SHISA9: variants seen among roughly 807,000 people sequenced by gnomAD.
The protein encoded by SHISA9 is shisa family member 9.
In SHISA9, 13 loss-of-function variants were observed where a neutral mutation model predicts 38.0. The observed-to-expected ratio is 0.34, with a 90% CI of 0.22 to 0.54. The LOEUF (loss-of-function observed/expected upper bound fraction) is 0.54. SHISA9 is among the 20% of genes least tolerant of loss of function. The probability of loss-of-function intolerance (pLI) is 0.91; values close to 1 mark genes in which losing one functional copy is unlikely to be tolerated. For synonymous variants in SHISA9, 275 were observed against 242.0 expected (o/e 1.14, Z -1.27); for missense variants, 538 against 575.8 (o/e 0.93, Z 0.67).
chr16:12,916,947 G>A, intron 2 of SHISA9, 132 bp downstream of exon 2: 2 of 1,072,870 alleles, frequency 1.9e-6, no homozygotes, highest in Non-Finnish European at 2.6e-6. Flanking sequence ...TTTCTTTCAT[G>A]TCTTTTGGAT....
At chr16:13,152,039 G>A (rs2050504227) in intron 2 of SHISA9, among the ~76,000 whole-genome samples, 1 of 152,178 alleles carries the variant, frequency 6.6e-6, no homozygotes, top group Non-Finnish European at 1.5e-5. Flanking sequence ...ATTAAATTGT[G>A]TGAGAAGAAG....
At chr16:12,949,147 C>T (rs1228497472) in intron 2 of SHISA9, among the ~76,000 whole-genome samples, 1 of 152,140 alleles carries the variant, frequency 6.6e-6, no homozygotes, top group Non-Finnish European at 1.5e-5. Context: ...TCCCTAGGAG[C>T]AGAGCCTGAG....
intron 4 of SHISA9, among the ~76,000 whole-genome samples, chr16:13,223,666 C>G (rs1446251015): frequency 1.3e-5 from 2 of 152,138 alleles, no homozygotes; most frequent in African/African-American, 2.4e-5. Flanking sequence ...GTACCTGAGA[C>G]TGGGTAATTT....
chr16:13,471,551 C>T, the SHISA9 span, among the ~76,000 whole-genome samples: 1 of 152,134 alleles, frequency 6.6e-6, no homozygotes, highest in Non-Finnish European at 1.5e-5. Flanking sequence ...ACAACTCTCC[C>T]TCTTTGCTTC....
rs568241722 is a variant in SHISA9 at position 12,954,221 on chromosome 16, G to A, written c.691+37406G>A. On this transcript the variant is annotated intron_variant, in intron 2 of 4. Coordinates refer to ENST00000558583, the MANE Select transcript of SHISA9 (RefSeq NM_001145204.3). ...CAGCAGGAATAGCCTGTGCAAAGGCGTAGAGATGTGGTGTGCCCAGGGAAG... is the reference window on the plus strand; with the variant it reads ...CAGCAGGAATAGCCTGTGCAAAGGCATAGAGATGTGGTGTGCCCAGGGAAG... Among the ~76,000 whole-genome samples the A allele has an allele frequency of 1.9e-4, 29 of 152,332 alleles. 1 individual carries two copies. Among genetic ancestry groups the A allele is most frequent in the East Asian group, 7.7e-4 (4 of 5,194 alleles).
At chr16:13,303,129 G>A in the SHISA9 span, among the ~76,000 whole-genome samples, 2 of 152,160 alleles carry the variant, frequency 1.3e-5, no homozygotes, top group Non-Finnish European at 2.9e-5. Context: ...TAGATTTAAA[G>A]CATTTGTGTT....
chr16:13,177,546 T>TA (rs532180368), intron 2 of SHISA9, among the ~76,000 whole-genome samples: 2,677 of 152,244 alleles, frequency 0.018, 38 homozygotes, highest in Non-Finnish European at 0.027. Flanking sequence ...TTATTTTTTT[T>TA]AAAAAGCGCA....
chr16:13,194,020 G>A lies in SHISA9; in HGVS notation c.692-9374G>A, dbSNP rs182294778. Among the ~76,000 whole-genome samples the A allele has an allele frequency of 2.9e-3, 438 of 152,172 alleles. 1 individual carries two copies. The highest frequency in any genetic ancestry group is 7.1e-3 in the South Asian group (34 of 4,804). On this transcript the variant is annotated intron_variant, in intron 2 of 4. Coordinates refer to ENST00000558583, the MANE Select transcript of SHISA9 (RefSeq NM_001145204.3). ...TCATCCAACATTCCTCCCCTACCCTGCATCTGAAACCCAAAGAGGGAAAGT... is the reference window on the plus strand; with the variant it reads ...TCATCCAACATTCCTCCCCTACCCTACATCTGAAACCCAAAGAGGGAAAGT...
At chr16:13,511,867 GA>G in the SHISA9 span, among the ~76,000 whole-genome samples, 2 of 152,132 alleles carry the variant, frequency 1.3e-5, no homozygotes, top group Non-Finnish European at 2.9e-5. Flanking sequence ...ACATTTATGT[GA>G]AAAAACTATC....
chr16:13,159,618 CT>C (rs1311262753), intron 2 of SHISA9, among the ~76,000 whole-genome samples: 1 of 152,230 alleles, frequency 6.6e-6, no homozygotes, highest in East Asian at 1.9e-4. Context: ...TGAGCATACG[CT>C]TTTCTCTTGA....
intron 2 of SHISA9, among the ~76,000 whole-genome samples, chr16:13,062,825 T>C (rs2073391128): frequency 6.6e-6 from 1 of 152,106 alleles, no homozygotes; most frequent in African/African-American, 2.4e-5. Flanking sequence ...ATTCCGATGA[T>C]GGAGTTTCTT....
At chr16:13,403,733 G>T in the SHISA9 span, among the ~76,000 whole-genome samples, 1 of 152,164 alleles carries the variant, frequency 6.6e-6, no homozygotes, top group African/African-American at 2.4e-5. Flanking sequence ...ACAGAGTGAC[G>T]CCTTTCTAAT....
At chr16:13,386,546 A>C in the SHISA9 span, among the ~76,000 whole-genome samples, 9 of 152,236 alleles carry the variant, frequency 5.9e-5, no homozygotes, top group African/African-American at 1.9e-4. Flanking sequence ...AGAATCTAAT[A>C]AATTAATACA....
At chr16:13,176,046 A>G (rs1482470573) in intron 2 of SHISA9, among the ~76,000 whole-genome samples, 1 of 152,178 alleles carries the variant, frequency 6.6e-6, no homozygotes, top group Non-Finnish European at 1.5e-5. Flanking sequence ...TTCCTACTAA[A>G]GTTACATTTA....
chr16:12,916,548 C>T, intron 1 of SHISA9, 140 bp from the exon 2 acceptor site: 1 of 1,000,658 alleles, frequency 1.0e-6, no homozygotes, highest in South Asian at 1.9e-5. Flanking sequence ...TTACGTTTTT[C>T]TCTACTCCAC....
chr16:13,019,295 T>G (rs1008958879), intron 2 of SHISA9, among the ~76,000 whole-genome samples: 6 of 152,232 alleles, frequency 3.9e-5, no homozygotes, highest in African/African-American at 7.2e-5. Context: ...CCACCACGCT[T>G]GGCCAGACAT....
chr16:13,254,756 C>T, the SHISA9 span, among the ~76,000 whole-genome samples: 1 of 152,218 alleles, frequency 6.6e-6, no homozygotes, highest in African/African-American at 2.4e-5. Flanking sequence ...GAATCCTCAG[C>T]GGACACCTTG....
At chr16:13,477,951 C>T in the SHISA9 span, among the ~76,000 whole-genome samples, 3 of 152,098 alleles carry the variant, frequency 2.0e-5, no homozygotes, top group Admixed American at 6.5e-5. Flanking sequence ...GGAAACAGAG[C>T]GAGACTCCAT....
At chr16:13,458,876 T>G in the SHISA9 span, among the ~76,000 whole-genome samples, 23 of 151,626 alleles carry the variant, frequency 1.5e-4, no homozygotes, top group Non-Finnish European at 1.8e-4. Flanking sequence ...TGTTTTTTGT[T>G]TTTTTTTTAA....
Sources: gnomAD v4.1 joint callset for allele counts (sites outside exome capture counted in the v4.1 genomes callset) on GRCh38, gnomAD v4.1.1 for gene constraint, MANE v1.5 for transcripts, NCBI Gene and HGNC (gene_info 2026-07-23, HGNC 2026-07-21) for gene names.